The following MALRD1 variants were observed in gnomAD, a reference collection of about 807,000 sequenced individuals.
MALRD1 encodes MAM and LDL-receptor class A domain-containing protein 1.
In MALRD1, 247 loss-of-function variants were observed where a neutral mutation model predicts 242.1. That is an observed-to-expected ratio of 1.02 (90% confidence interval 0.92 to 1.13). The LOEUF (loss-of-function observed/expected upper bound fraction) is 1.13. MALRD1 is among the 50% of genes most tolerant of loss of function. The pLI is 0.00. For synonymous variants in MALRD1, 995 were observed against 866.6 expected, an observed-to-expected ratio of 1.15 and a Z score of -2.60; for missense variants, 2,989 against 2,533.1, an observed-to-expected ratio of 1.18 and a Z score of -3.86.
At chr10:19,403,910 A>G (rs1163442185) in intron 28 of MALRD1, among the ~76,000 whole-genome samples, 3 of 152,110 alleles carry the variant, frequency 2.0e-5, no homozygotes, top group Non-Finnish European at 4.4e-5. Context: ...TCGGAGCTGA[A>G]TTTTCTTGGT....
intron 38 of MALRD1, among the ~76,000 whole-genome samples, chr10:19,705,938 C>G (rs1283943529): frequency 6.6e-6 from 1 of 151,824 alleles, no homozygotes; most frequent in African/African-American, 2.4e-5. Flanking sequence ...AGTTAGACCT[C>G]CTTGTTCAGA....
chr10:19,632,107 C>T (rs7907015), intron 36 of MALRD1, among the ~76,000 whole-genome samples: 21,873 of 152,096 alleles, frequency 0.14, 2,695 homozygotes, highest in African/African-American at 0.33. Flanking sequence ...AAGAACAACA[C>T]ATTGAGGCTC....
At chr10:19,592,607 G>T (rs558332475) in intron 33 of MALRD1, among the ~76,000 whole-genome samples, 1 of 152,230 alleles carries the variant, frequency 6.6e-6, no homozygotes, top group Admixed American at 6.5e-5. Context: ...GAAAAGAAGG[G>T]CCTAGAACAA....
intron 12 of MALRD1, among the ~76,000 whole-genome samples, chr10:19,164,738 G>A (rs1394548660): frequency 6.6e-6 from 1 of 152,086 alleles, no homozygotes; most frequent in Non-Finnish European, 1.5e-5. Context: ...ATCAATAACA[G>A]TACGCAATTT....
chr10:19,531,367 A>G lies in MALRD1; in HGVS notation c.5478+16A>G. Reference sequence around the variant, plus strand: ...AATATTAAAGGTACAAAAGGAAGCCAGAGATTTATGATCACTGAAATATGC... The same window carrying G: ...AATATTAAAGGTACAAAAGGAAGCCGGAGATTTATGATCACTGAAATATGC... On this transcript the variant is annotated intron_variant, in intron 32 of 39. Transcript: ENST00000454679. The G allele has an allele frequency of 6.6e-7, 1 of 1,514,036 alleles. No homozygotes were observed. The highest frequency in any genetic ancestry group is 1.3e-5 in the South Asian group (1 of 79,596). 93.8% of individuals were successfully genotyped at this position (1,514,036 alleles called of 1,614,324 possible).
At chr10:19,266,765 G>C (rs1839990237) in intron 19 of MALRD1, among the ~76,000 whole-genome samples, 1 of 151,786 alleles carries the variant, frequency 6.6e-6, no homozygotes, top group African/African-American at 2.4e-5. Flanking sequence ...ATTTCTAGTA[G>C]GAACTTAGCC....
intron 38 of MALRD1, among the ~76,000 whole-genome samples, chr10:19,694,776 C>T (rs949363716): frequency 3.3e-5 from 5 of 152,086 alleles, no homozygotes; most frequent in Non-Finnish European, 7.3e-5. Flanking sequence ...TGCACATGTA[C>T]GTTTATTGCG....
At chr10:19,369,788 A>T (rs1482683917) in intron 26 of MALRD1, among the ~76,000 whole-genome samples, 4 of 151,512 alleles carry the variant, frequency 2.6e-5, no homozygotes, top group African/African-American at 4.9e-5. Flanking sequence ...TGAGTTATAG[A>T]TATTTTTTAT....
At chr10:19,542,791 A>G (rs567525932) in intron 32 of MALRD1, among the ~76,000 whole-genome samples, 1 of 152,320 alleles carries the variant, frequency 6.6e-6, no homozygotes, top group African/African-American at 2.4e-5. Context: ...CCATGTAGGA[A>G]AAAGGTATTT....
intron 14 of MALRD1, among the ~76,000 whole-genome samples, chr10:19,176,304 T>C (rs1358493903): frequency 6.6e-6 from 1 of 151,178 alleles, no homozygotes; most frequent in East Asian, 1.9e-4. Flanking sequence ...ATTAAAGAAC[T>C]TTTAATTAAA....
chr10:19,530,376 TAAA>T (rs1564417091), intron 31 of MALRD1, among the ~76,000 whole-genome samples: 4 of 89,930 alleles, frequency 4.4e-5, no homozygotes, highest in African/African-American at 3.1e-4. Context: ...AATATTTATA[TAAA>T]TATTATATAT....
intron 28 of MALRD1, among the ~76,000 whole-genome samples, chr10:19,435,627 G>C (rs141962678): frequency 6.6e-6 from 1 of 152,260 alleles, no homozygotes; most frequent in Non-Finnish European, 1.5e-5. Flanking sequence ...AAGTCCCATT[G>C]TTATCACATC....
intron 2 of MALRD1, among the ~76,000 whole-genome samples, chr10:19,077,665 T>C (rs930815964): frequency 6.6e-5 from 10 of 152,030 alleles, no homozygotes; most frequent in African/African-American, 2.4e-4. Flanking sequence ...TAAATCTAAA[T>C]ACACTAAATA....
intron 19 of MALRD1, among the ~76,000 whole-genome samples, chr10:19,273,650 C>G (rs888772531): frequency 1.3e-5 from 2 of 152,118 alleles, no homozygotes; most frequent in Non-Finnish European, 2.9e-5. Context: ...CCCTATGATT[C>G]TGACAATATG....
intron 33 of MALRD1, among the ~76,000 whole-genome samples, chr10:19,577,351 G>A (rs1005373822): frequency 3.9e-5 from 6 of 151,992 alleles, no homozygotes; most frequent in Non-Finnish European, 5.9e-5. Flanking sequence ...CTCCTAGAAG[G>A]GATATTAGAT....
Position 19,567,534 on chromosome 10 carries a change from C to T in MALRD1, c.5511C>T (p.Ile1837=). ...CCATTGAAGAATCGGGGCTAAACAT[C>T]CTGGTGTGGTCAGTGATTGGAAATA... is the stretch of plus-strand genomic sequence containing the variant. ...VYTIEESGLN[I]LVWSVIGNKR... Residue 1837 remains isoleucine (I), a synonymous_variant, in exon 33 of 40, where the codon ATC becomes ATT. Transcript: ENST00000454679. The T allele has an allele frequency of 4.5e-6, 7 of 1,550,278 alleles. No homozygotes were observed. Among genetic ancestry groups the T allele is most frequent in the Non-Finnish European group, 6.1e-6 (7 of 1,146,900 alleles).
chr10:19,551,995 A>AT (rs1346891267), intron 32 of MALRD1, among the ~76,000 whole-genome samples: 12 of 151,858 alleles, frequency 7.9e-5, no homozygotes, highest in East Asian at 5.8e-4. Context: ...GTTTGCCAGT[A>AT]TTTTTTTTGA....
intron 19 of MALRD1, among the ~76,000 whole-genome samples, chr10:19,262,098 C>T (rs1394911068): frequency 6.6e-6 from 1 of 152,088 alleles, no homozygotes; most frequent in East Asian, 1.9e-4. Flanking sequence ...CTCTCATATT[C>T]TGAGCTATGG....
chr10:19,615,058 G>A lies in MALRD1; in HGVS notation c.6071-799G>A, dbSNP rs181899647. Among the ~76,000 whole-genome samples, 343 of 151,994 alleles carry A rather than the reference G, an allele frequency of 2.3e-3. 1 individual carries two copies. The highest frequency in any genetic ancestry group is 7.5e-3 in the African/African-American group (311 of 41,476). On this transcript the variant is annotated intron_variant, in intron 35 of 39. Coordinates refer to ENST00000454679, the MANE Select transcript of MALRD1 (RefSeq NM_001142308.3). ...TGACTATAGTTAACAATAATATATC[G>A]TACAGTTTCAAATAGTTCCAAGGAG...
Sources: gnomAD v4.1 joint callset for allele counts (sites outside exome capture counted in the v4.1 genomes callset) on GRCh38, gnomAD v4.1.1 for gene constraint, MANE v1.5 for transcripts, NCBI Gene and HGNC (gene_info 2026-07-23, HGNC 2026-07-21) for gene names.